Variants in IPO4 observed in about 807,000 individuals in gnomAD.
IPO4 encodes importin-4.
In IPO4, 91 loss-of-function variants were observed where a neutral mutation model predicts 133.5. That is an observed-to-expected ratio of 0.68 (90% CI 0.58 to 0.81). The LOEUF is 0.81. Among genes scored for constraint, IPO4 ranks in the 30% least tolerant of loss-of-function variants. The pLI, the probability that IPO4 is intolerant of heterozygous loss-of-function variation, is 0.00. For synonymous variants in IPO4, 607 were observed against 581.6 expected, an observed-to-expected ratio of 1.04 and a Z score of -0.63; for missense variants, 1,279 against 1,386.2, an observed-to-expected ratio of 0.92 and a Z score of 1.23.
Position 24,180,250 on chromosome 14 carries a change from T to C in IPO4, c.*192A>G, listed in dbSNP as rs1270634553. 2.6e-6 allele frequency: 4 copies of C among 1,562,274 alleles called. No individual in the cohort carries two copies. Among genetic ancestry groups the C allele is most frequent in the Non-Finnish European group, 3.5e-6 (4 of 1,152,394 alleles). ...TCAAGCAGAAAACAAGCTGCTTTTA[T>C]TACAGTATGATGTCATGACTCATTT... On this transcript the variant is annotated 3_prime_UTR_variant, in exon 30 of 30. Transcript: ENST00000354464.
At position 24,182,776 on chromosome 14, in the gene IPO4, T is replaced by A. The variant is rs1171812123; in HGVS notation, c.2472+16A>T. On this transcript the variant is annotated intron_variant, in intron 24 of 29. Coordinates refer to ENST00000354464, the MANE Select transcript of IPO4 (RefSeq NM_024658.4). Reference sequence around the variant, plus strand: ...GCCTGGACCGCCTGGTCCCCGTTTTTATCCCTGGCTCTCACCTGATCATCA... The same window carrying A: ...GCCTGGACCGCCTGGTCCCCGTTTTAATCCCTGGCTCTCACCTGATCATCA... The A allele has an allele frequency of 6.2e-7, 1 of 1,614,116 alleles. No individual in the cohort carries two copies. Among genetic ancestry groups the A allele is most frequent in the Non-Finnish European group, 8.5e-7 (1 of 1,179,954 alleles).
Position 24,185,520 on chromosome 14 carries a change from G to A in IPO4, c.1217C>T (p.Pro406Leu), listed in dbSNP as rs780243056. Reference sequence around the variant, plus strand: ...CGCAGCATTGCGTACAACTTGCGAGGGGTCCTCCAGGCCCTTGCACACAAT... The same window carrying A: ...CGCAGCATTGCGTACAACTTGCGAGAGGTCCTCCAGGCCCTTGCACACAAT... ...LQIVCKGLED[P>L]SQVVRNAALF... The change falls in exon 13 of 30, where the codon CCC becomes CTC. Residue 406 changes from proline to leucine, a missense_variant. Around this residue, in one of 3 missense-constraint regions of IPO4, gnomAD observed 695 missense variants for 704.1 expected, o/e 0.99. Transcript: ENST00000354464. 4 of 1,614,170 alleles carry A rather than the reference G, an allele frequency of 2.5e-6. No homozygotes were observed. Among genetic ancestry groups the A allele is most frequent in the Admixed American group, 3.3e-5 (2 of 60,036 alleles).
At position 24,181,726 on chromosome 14, in the gene IPO4, C is replaced by T; in HGVS notation, c.2925G>A (p.Arg975=). The change falls in exon 27 of 30, where the codon AGG becomes AGA. Residue 975 remains arginine (R), a synonymous_variant. Transcript: ENST00000354464. Reference sequence around the variant, plus strand: ...CCTCCCTCACCTGGGGCTCTGGTTTCCTGGTGGGACTGGCCATCAACAGGC... The same window carrying T: ...CCTCCCTCACCTGGGGCTCTGGTTTTCTGGTGGGACTGGCCATCAACAGGC... ...LARLLMASPT[R]KPEPQVLAAL... The T allele has an allele frequency of 6.2e-7, 1 of 1,602,636 alleles. No individual in the cohort carries two copies. Among genetic ancestry groups the T allele is most frequent in the South Asian group, 1.1e-5 (1 of 89,610 alleles).
In IPO4 at chr14:24,185,946, G is replaced by A. The variant is rs1022142023; in HGVS notation, c.1084C>T (p.Arg362Trp). ...QLMPMLEEAL[R>W]SESPYQRKAG... is the part of the protein sequence containing the mutation. ...TTGCGCTGGTATGGGCTCTCGCTCC[G>A]CAAAGCCTCTTCCAACATGGGCATC... The change falls in exon 12 of 30, where the codon CGG (arginine) becomes TGG (tryptophan). Residue 362 changes from arginine to tryptophan, a missense_variant. By Grantham distance (101) the Arg-to-Trp change is moderately radical. This residue lies in a region of IPO4 where 695 missense variants were observed against 704.1 expected (regional missense o/e 0.99). Coordinates refer to ENST00000354464, the MANE Select transcript of IPO4 (RefSeq NM_024658.4). The A allele has an allele frequency of 1.3e-5, 21 of 1,613,840 alleles. No individual in the cohort carries two copies. Among genetic ancestry groups the A allele is most frequent in the East Asian group, 2.2e-5 (1 of 44,890 alleles).
Position 24,183,283 on chromosome 14 carries a change from A to G in IPO4, c.2194T>C (p.Cys732Arg). Residue 732 changes from cysteine to arginine, a missense_variant, in exon 22 of 30, where the codon TGT (cysteine) becomes CGT (arginine). Cys to Arg is a radical substitution (Grantham distance 180). This residue lies in a region of IPO4 where 575 missense variants were observed against 653.4 expected (regional missense o/e 0.88). Transcript: ENST00000354464. ...TTGGGTTCCGAGGGGCAGCTTTGAC[A>G]GGCCTTGTGCAGTGCACAGCAAAAC... The part of the protein sequence containing the change: ...GQFCCALHKA[C>R]QSCPSEPNTA... 1 of 1,613,566 alleles carries G rather than the reference A, an allele frequency of 6.2e-7. No individual in the cohort carries two copies. The highest frequency in any genetic ancestry group is 1.1e-5 in the South Asian group (1 of 90,934).
At position 24,185,843 on chromosome 14, in the gene IPO4, G is replaced by A. The variant is rs907437180; in HGVS notation, c.1169+18C>T. ...CTCCCTGTGGGCAACCCTCACCCTGGGACAGGGGAATACATACCTCTGCCT... is the reference window on the plus strand; with the variant it reads ...CTCCCTGTGGGCAACCCTCACCCTGAGACAGGGGAATACATACCTCTGCCT... On this transcript the variant is annotated intron_variant, in intron 12 of 29. Transcript: ENST00000354464. 1 of 1,592,832 alleles carries A rather than the reference G, an allele frequency of 6.3e-7. No individual in the cohort carries two copies. The highest frequency in any genetic ancestry group is 1.3e-5 in the African/African-American group (1 of 74,612).
intron 24 of IPO4, 30 bp downstream of exon 24, chr14:24,182,762 C>A (rs1289778411): frequency 1.2e-6 from 2 of 1,613,280 alleles, no homozygotes; most frequent in African/African-American, 2.7e-5. Context: ...CCTGGACCGC[C>A]TGGTCCCCGT....
At position 24,188,368 on chromosome 14, in the gene IPO4, C is replaced by T. The variant is rs768056446; in HGVS notation, c.212G>A (p.Arg71Gln). ...CCTCTCCCGTTGCTCCGCCGCCAGC[C>T]GTCGCCAGCGGGTGTTCAGTCGTCT... Reference protein sequence around the residue: ...TRRRLNTRWRRLAAEQRESLK... With the variant: ...TRRRLNTRWRQLAAEQRESLK... Residue 71 changes from arginine (R) to glutamine (Q), a missense_variant, in exon 3 of 30, where the codon CGG becomes CAG. By Grantham distance (43) the Arg-to-Gln change is conservative. Coordinates refer to ENST00000354464, the MANE Select transcript of IPO4 (RefSeq NM_024658.4). The T allele has an allele frequency of 6.2e-7, 1 of 1,613,550 alleles. No individual in the cohort carries two copies. Among genetic ancestry groups the T allele is most frequent in the South Asian group, 1.1e-5 (1 of 91,078 alleles).
chr14:24,181,562 A>G lies in IPO4; in HGVS notation c.2996T>C (p.Val999Ala), dbSNP rs1480608200. The change falls in exon 28 of 30, where the codon GTC becomes GCC. Residue 999 changes from valine (V) to alanine (A), a missense_variant. Physicochemically the swap from Val to Ala is moderately conservative, Grantham distance 64 (BLOSUM62 0). Around this residue, in one of 3 missense-constraint regions of IPO4, gnomAD observed 575 missense variants for 653.4 expected, o/e 0.88. Transcript: ENST00000354464. ...GAAGCTGAAGAGGCGCCCAATGGTGACCCACTCCTCCAAGTCCTCCTTCAG... is the reference window on the plus strand; with the variant it reads ...GAAGCTGAAGAGGCGCCCAATGGTGGCCCACTCCTCCAAGTCCTCCTTCAG... ...LPLKEDLEEW[V>A]TIGRLFSFLY... 1 of 1,606,544 alleles carries G rather than the reference A, an allele frequency of 6.2e-7. No homozygotes were observed. Among genetic ancestry groups the G allele is most frequent in the Non-Finnish European group, 8.5e-7 (1 of 1,176,562 alleles).
Position 24,183,818 on chromosome 14 carries a change from C to T in IPO4, c.1950G>A (p.Glu650=). Residue 650 remains glutamate, a synonymous_variant, in exon 19 of 30, where the codon GAG becomes GAA. Transcript: ENST00000354464. ...DGEEEEELMD[E]DVEEEDDSEI... ...CTGAGTCATCCTCTTCTTCCACATCCTCATCCATGAGCTCCTCCTCTTCTT... is the reference window on the plus strand; with the variant it reads ...CTGAGTCATCCTCTTCTTCCACATCTTCATCCATGAGCTCCTCCTCTTCTT... 1 of 1,614,128 alleles carries T rather than the reference C, an allele frequency of 6.2e-7. No individual in the cohort carries two copies. The highest frequency in any genetic ancestry group is 8.5e-7 in the Non-Finnish European group (1 of 1,180,008).
chr14:24,187,373 C>G, intron 6 of IPO4, 27 bp downstream of exon 6: 3 of 1,610,772 alleles, frequency 1.9e-6, no homozygotes, highest in Non-Finnish European at 2.5e-6. Context: ...GAAAGGGAGT[C>G]AAAGATAACG....
Position 24,183,857 on chromosome 14 carries a change from A to C in IPO4, c.1911T>G (p.Asp637Glu), listed in dbSNP as rs1219552881. The change falls in exon 19 of 30, where the codon GAT becomes GAG. Residue 637 changes from aspartate (D) to glutamate (E), a missense_variant. This residue lies in a region of IPO4 where 575 missense variants were observed against 653.4 expected (regional missense o/e 0.88). Transcript: ENST00000354464. The part of the protein sequence containing the change: ...DGSSSFLLFD[D>E]ESDGEEEEEL... Reference sequence around the variant, plus strand: ...CCTCCTCTTCTTCCCCATCACTCTCATCGTCAAACAGAAGGAAGGAGCTGC... The same window carrying C: ...CCTCCTCTTCTTCCCCATCACTCTCCTCGTCAAACAGAAGGAAGGAGCTGC... 2 of 1,614,000 alleles carry C rather than the reference A, an allele frequency of 1.2e-6. No homozygotes were observed. Among genetic ancestry groups the C allele is most frequent in the Non-Finnish European group, 8.5e-7 (1 of 1,179,990 alleles).
In IPO4 at chr14:24,185,740, G is replaced by A. The variant is rs1217217491; in HGVS notation, c.1169+121C>T. The A allele has an allele frequency of 5.2e-6, 5 of 959,008 alleles. No homozygotes were observed. In the East Asian group the frequency reaches 1.0e-4, roughly 19 times the overall value. The allele number at this position is 959,008 out of a possible 1,614,324, so 59.4% of individuals were successfully genotyped here. ...GCCATGTCATTTATCTTCCAAGCCA[G>A]GACACTTTTGATAATGGGGGGAAAC... On this transcript the variant is annotated intron_variant, in intron 12 of 29. Transcript: ENST00000354464.
Position 24,184,650 on chromosome 14 carries a change from C to T in IPO4, c.1636G>A (p.Glu546Lys). 5 of 1,588,888 alleles carry T rather than the reference C, an allele frequency of 3.1e-6. No individual in the cohort carries two copies. Among genetic ancestry groups the T allele is most frequent in the Non-Finnish European group, 4.3e-6 (5 of 1,167,182 alleles). Reference sequence around the variant, plus strand: ...CCCCACCTGGGAACCTCTCACTCACCCAGGCTCTGGATCTGCACAGGCTGA... The same window carrying T: ...CCCCACCTGGGAACCTCTCACTCACTCAGGCTCTGGATCTGCACAGGCTGA... ...DLQPVQIQSL[E>K]TLGVLARAVG... Residue 546 changes from glutamate to lysine, a missense_variant and splice_region_variant, in exon 16 of 30, where the codon GAG becomes AAG. This residue lies in a region of IPO4 where 695 missense variants were observed against 704.1 expected (regional missense o/e 0.99). Transcript: ENST00000354464.
chr14:24,181,844 C>T lies in IPO4; in HGVS notation c.2808-1G>A. On this transcript the variant is annotated splice_acceptor_variant, in intron 26 of 29. Coordinates refer to ENST00000354464, the MANE Select transcript of IPO4 (RefSeq NM_024658.4). LOFTEE classifies it high-confidence loss of function. ...GAGCCCCAGCAGCTTGGGGAAGTGT[C>T]TGGTCCACAGTCAAGGAATGGCCAC... is the stretch of plus-strand genomic sequence containing the variant. 6.3e-7 allele frequency: 1 copy of T among 1,597,554 alleles called. No homozygotes were observed.
rs1455521778 is a variant in IPO4 at position 24,185,560 on chromosome 14, G to A, written c.1177C>T (p.Pro393Ser). 1 of 1,613,880 alleles carries A rather than the reference G, an allele frequency of 6.2e-7. No homozygotes were observed. The highest frequency in any genetic ancestry group is 8.5e-7 in the Non-Finnish European group (1 of 1,179,796). The change falls in exon 13 of 30, where the codon CCC (proline) becomes TCC (serine). Residue 393 changes from proline to serine, a missense_variant. This residue lies in a region of IPO4 where 695 missense variants were observed against 704.1 expected (regional missense o/e 0.99). Transcript: ENST00000354464. Reference sequence around the variant, plus strand: ...TTGCACACAATCTGCAGCAGTGGGGGCAGCAGTCTGGATGGGGCAAACAAG... The same window carrying A: ...TTGCACACAATCTGCAGCAGTGGGGACAGCAGTCTGGATGGGGCAAACAAG... ...AGDHIRQRLLPPLLQIVCKGL... is the reference protein window; with the variant it reads ...AGDHIRQRLLSPLLQIVCKGL...
chr14:24,185,952 C>A lies in IPO4; in HGVS notation c.1078G>T (p.Ala360Ser), dbSNP rs1006665438. The A allele has an allele frequency of 1.2e-6, 2 of 1,614,096 alleles. No individual in the cohort carries two copies. Among genetic ancestry groups the A allele is most frequent in the Non-Finnish European group, 1.7e-6 (2 of 1,179,996 alleles). The change falls in exon 12 of 30, where the codon GCT becomes TCT. Residue 360 changes from alanine to serine, a missense_variant. By Grantham distance (99) the Ala-to-Ser change is moderately conservative. This residue lies in a region of IPO4 where 695 missense variants were observed against 704.1 expected (regional missense o/e 0.99). Coordinates refer to ENST00000354464, the MANE Select transcript of IPO4 (RefSeq NM_024658.4). ...CPQLMPMLEE[A>S]LRSESPYQRK... is the part of the protein sequence containing the mutation. ...TGGTATGGGCTCTCGCTCCGCAAAG[C>A]CTCTTCCAACATGGGCATCTAGGGA...
chr14:24,186,028 G>A, intron 11 of IPO4, 58 bp from the exon 12 acceptor site: 1 of 1,596,188 alleles, frequency 6.3e-7, no homozygotes, highest in Non-Finnish European at 8.6e-7. Flanking sequence ...CATTCCTGTG[G>A]TAATAGGCCT....
chr14:24,180,704 T>C lies in IPO4; in HGVS notation c.3100A>G (p.Asn1034Asp), dbSNP rs1386655434. 1 of 1,614,142 alleles carries C rather than the reference T, an allele frequency of 6.2e-7. No homozygotes were observed. The highest frequency in any genetic ancestry group is 2.2e-5 in the East Asian group (1 of 44,890). Reference protein sequence around the residue: ...LRICSLILADNKIPPDTKAAL... With the variant: ...LRICSLILADDKIPPDTKAAL... ...CTACCCTCACCTGGTGGGATCTTGTTGTCAGCCAGAATGAGGCTGCAGATA... is the reference window on the plus strand; with the variant it reads ...CTACCCTCACCTGGTGGGATCTTGTCGTCAGCCAGAATGAGGCTGCAGATA... The change falls in exon 29 of 30, where the codon AAC becomes GAC. Residue 1034 changes from asparagine (N) to aspartate (D), a missense_variant. Transcript: ENST00000354464.
Sources: gnomAD v4.1 joint callset for allele counts on GRCh38, gnomAD v4.1.1 for gene constraint, gnomAD v4.1.1 regional missense constraint, MANE v1.5 for transcripts, NCBI Gene and HGNC (gene_info 2026-07-23, HGNC 2026-07-21) for gene names.